Variants in ABCF3 observed in about 807,000 individuals in gnomAD.
ABCF3 encodes ATP-binding cassette sub-family F member 3.
ABCF3 carries 62 observed loss-of-function variants against 94.3 expected under a neutral mutation model. That is an observed-to-expected ratio of 0.66 (90% CI 0.54 to 0.81). The LOEUF is 0.81. Among genes scored for constraint, ABCF3 ranks in the 40% least tolerant of loss-of-function variants. The pLI is 0.00. For missense variants in ABCF3, 843 were observed against 925.3 expected, an observed-to-expected ratio of 0.91 and a Z score of 1.15; for synonymous variants, 355 against 361.1, an observed-to-expected ratio of 0.98 and a Z score of 0.19.
In ABCF3 at chr3:184,193,823, C is replaced by A; in HGVS notation, c.*125C>A. ...TGGGGACAGCCTTATTCCCAAATGTCTCTATCCTTTTGACTGGAGCATCTT... is the reference window on the plus strand; with the variant it reads ...TGGGGACAGCCTTATTCCCAAATGTATCTATCCTTTTGACTGGAGCATCTT... On this transcript the variant is annotated 3_prime_UTR_variant, in exon 21 of 21. Coordinates refer to ENST00000429586, the MANE Select transcript of ABCF3 (RefSeq NM_018358.3). This position sits in a 1 kb window ranked among gnomAD's most constrained non-coding sequence, Gnocchi z 5.2. 8.3e-7 allele frequency: 1 copy of A among 1,208,056 alleles called. No homozygotes were observed. The highest frequency in any genetic ancestry group is 1.1e-6 in the Non-Finnish European group (1 of 883,278). 74.8% of individuals were successfully genotyped at this position (1,208,056 alleles called of 1,614,324 possible).
In ABCF3 at chr3:184,193,797, T is replaced by C. The variant is rs1716185964; in HGVS notation, c.*99T>C. 5.2e-6 allele frequency: 7 copies of C among 1,357,980 alleles called. No homozygotes were observed. Among genetic ancestry groups the C allele is most frequent in the South Asian group, 4.5e-5 (3 of 66,722 alleles). 84.1% of individuals were successfully genotyped at this position (1,357,980 alleles called of 1,614,324 possible). ...CTCCAGGCCGTGGACTTCCCCCAAC[T>C]TGGGGACAGCCTTATTCCCAAATGT... On this transcript the variant is annotated 3_prime_UTR_variant, in exon 21 of 21. Transcript: ENST00000429586. The surrounding 1 kb of genome is among the most constrained non-coding windows in gnomAD (Gnocchi z 5.2).
In ABCF3 at chr3:184,189,692, C is replaced by T; in HGVS notation, c.1249C>T (p.Gln417Ter). Residue 417 changes from glutamine (Q) to a stop codon, truncating the protein, a stop_gained, in exon 13 of 21, where the codon CAG becomes TAG. Coordinates refer to ENST00000429586, the MANE Select transcript of ABCF3 (RefSeq NM_018358.3). LOFTEE classifies it high-confidence loss of function. The part of the protein sequence containing the change: ...GDFETFIKSK[Q>*]ERLLNQQREY... ...CTTTGAGACCTTCATCAAGAGTAAG[C>T]AGGAGCGGCTGCTCAACCAGCAGCG... The T allele has an allele frequency of 3.1e-6, 5 of 1,614,116 alleles. No homozygotes were observed. The highest frequency in any genetic ancestry group is 4.2e-6 in the Non-Finnish European group (5 of 1,180,024).
At chr3:184,192,006 A>G (rs762967447) in intron 16 of ABCF3, among the ~76,000 whole-genome samples, 20 of 152,024 alleles carry the variant, frequency 1.3e-4, no homozygotes, top group Non-Finnish European at 2.4e-4. Context: ...TCAGCCTCCC[A>G]AAGTGCTGGG....
chr3:184,186,763 C>G (rs767264225), intron 2 of ABCF3, 33 bp from the exon 3 acceptor site: 5 of 1,607,316 alleles, frequency 3.1e-6, no homozygotes, highest in South Asian at 1.1e-5. Context: ...CCCTCAACTC[C>G]TAACTCTGCG....
At position 184,186,642 on chromosome 3, in the gene ABCF3, A is replaced by G; in HGVS notation, c.209A>G (p.Asn70Ser). ...GIRAVCQRMY[N>S]TLRLAEPQSQ... The stretch of plus-strand genomic sequence containing the variant: ...AGGGCCGTGTGCCAGCGCATGTACA[A>G]CACTCTGCGTCTGTATGTGCCAGGG... Residue 70 changes from asparagine (N) to serine (S), a missense_variant, in exon 2 of 21, where the codon AAC becomes AGC. Asn to Ser is a conservative substitution (Grantham distance 46, BLOSUM62 1). Transcript: ENST00000429586. 6.2e-7 allele frequency: 1 copy of G among 1,610,100 alleles called. No homozygotes were observed. Among genetic ancestry groups the G allele is most frequent in the South Asian group, 1.1e-5 (1 of 90,454 alleles).
Position 184,186,784 on chromosome 3 carries a change from C to T in ABCF3, c.222-12C>T. 6.2e-7 allele frequency: 1 copy of T among 1,612,218 alleles called. No homozygotes were observed. Among genetic ancestry groups the T allele is most frequent in the Non-Finnish European group, 8.5e-7 (1 of 1,179,082 alleles). On this transcript the variant is annotated splice_polypyrimidine_tract_variant and intron_variant, in intron 2 of 20. Transcript: ENST00000429586. ...ACTCCTAACTCTGCGCTTTCTATCC[C>T]TACCCACATAGGGCTGAGCCACAAA...
rs1716196013 is a variant in ABCF3 at position 184,193,970 on chromosome 3, A to G, written c.*272A>G. The G allele has an allele frequency of 2.4e-6, 1 of 418,586 alleles. No individual in the cohort carries two copies. Among genetic ancestry groups the G allele is most frequent in the Non-Finnish European group, 4.3e-6 (1 of 234,302 alleles). 25.9% of individuals were successfully genotyped at this position (418,586 alleles called of 1,614,324 possible). A position where few individuals can be genotyped will look rare whatever the true frequency, so the allele number is the denominator to read the frequency against. ...CTGCCCCAGCTCTGACTGGACCCCA[A>G]GTGGCTGCTATGTAAATTAAATCTC... On this transcript the variant is annotated 3_prime_UTR_variant, in exon 21 of 21. Transcript: ENST00000429586. The surrounding 1 kb of genome is among the most constrained non-coding windows in gnomAD (Gnocchi z 5.2).
chr3:184,192,194 A>AGT (rs1210504319), intron 16 of ABCF3, among the ~76,000 whole-genome samples: 1 of 152,154 alleles, frequency 6.6e-6, no homozygotes, highest in African/African-American at 2.4e-5. Flanking sequence ...TGGGGTACAG[A>AGT]GTGATACTTC....
At position 184,187,660 on chromosome 3, in the gene ABCF3, T is replaced by G; in HGVS notation, c.349-4T>G. ...GAGTGAAGTCGATGTGTTTGGACCC[T>G]TAGACAGTGAATGCAAAGAAGTTAG... On this transcript the variant is annotated splice_region_variant and splice_polypyrimidine_tract_variant and intron_variant, in intron 4 of 20. Coordinates refer to ENST00000429586, the MANE Select transcript of ABCF3 (RefSeq NM_018358.3). The G allele has an allele frequency of 6.2e-7, 1 of 1,614,182 alleles. No homozygotes were observed. Among genetic ancestry groups the G allele is most frequent in the Non-Finnish European group, 8.5e-7 (1 of 1,180,024 alleles).
At chr3:184,190,904 C>A in intron 14 of ABCF3, 95 bp from the exon 15 acceptor site, 2 of 1,437,384 alleles carry the variant, frequency 1.4e-6, no homozygotes, top group Non-Finnish European at 1.9e-6. Flanking sequence ...GGTAGGAGTA[C>A]AAGCCCTTTC....
chr3:184,188,353 G>C lies in ABCF3; in HGVS notation c.782G>C (p.Arg261Pro), dbSNP rs1715784566. The C allele has an allele frequency of 6.2e-7, 1 of 1,613,766 alleles. No homozygotes were observed. The highest frequency in any genetic ancestry group is 2.2e-5 in the East Asian group (1 of 44,876). ...AGTGTGCTGGAGAGTGACAGTGTGC[G>C]AGAGGATTTGCTACGGAGGGAGCGG... ...LQSVLESDSVREDLLRREREL... is the reference protein window; with the variant it reads ...LQSVLESDSVPEDLLRREREL... Residue 261 changes from arginine to proline, a missense_variant, in exon 7 of 21, where the codon CGA becomes CCA. Physicochemically the swap from Arg to Pro is moderately radical, Grantham distance 103 (BLOSUM62 -2). Transcript: ENST00000429586.
chr3:184,192,907 G>T lies in ABCF3; in HGVS notation c.1750+11G>T. 6.2e-7 allele frequency: 1 copy of T among 1,613,588 alleles called. No homozygotes were observed. The highest frequency in any genetic ancestry group is 8.5e-7 in the Non-Finnish European group (1 of 1,179,836). On this transcript the variant is annotated intron_variant, in intron 18 of 20. Transcript: ENST00000429586. ...CACGCAAGTTTCCTGGTGAGTTAGGGATTTGAGTCGGGGGAAGAGTTTGAG... is the reference window on the plus strand; with the variant it reads ...CACGCAAGTTTCCTGGTGAGTTAGGTATTTGAGTCGGGGGAAGAGTTTGAG...
At position 184,187,843 on chromosome 3, in the gene ABCF3, C is replaced by G. The variant is rs9866379; in HGVS notation, c.447-18C>G. The G allele has an allele frequency of 2.6e-3, 4,249 of 1,614,058 alleles. 94 individuals are homozygous for G. In the African/African-American group the frequency reaches 0.049, roughly 18 times the overall value. On this transcript the variant is annotated intron_variant, in intron 5 of 20. Coordinates refer to ENST00000429586, the MANE Select transcript of ABCF3 (RefSeq NM_018358.3). Reference sequence around the variant, plus strand: ...GGTGGTGGGGAGCACTAAGAGCTGTCCATTTCTCCCTTTAAAGAGTCTTAG... The same window carrying G: ...GGTGGTGGGGAGCACTAAGAGCTGTGCATTTCTCCCTTTAAAGAGTCTTAG...
In ABCF3 at chr3:184,188,995, G is replaced by A. The variant is rs1417072527; in HGVS notation, c.977+7G>A. 1 of 1,614,248 alleles carries A rather than the reference G, an allele frequency of 6.2e-7. No homozygotes were observed. Among genetic ancestry groups the A allele is most frequent in the East Asian group, 2.2e-5 (1 of 44,886 alleles). On this transcript the variant is annotated splice_region_variant and intron_variant, in intron 9 of 20. Transcript: ENST00000429586. ...TGCAGCAGCAGCCCACCCGGTGAGT[G>A]ACCCTTGCCATTCTTGGCTTTGAAC...
In ABCF3 at chr3:184,192,603, T is replaced by A; in HGVS notation, c.1572T>A (p.Val524=). 6.2e-7 allele frequency: 1 copy of A among 1,608,836 alleles called. No individual in the cohort carries two copies. The highest frequency in any genetic ancestry group is 8.5e-7 in the Non-Finnish European group (1 of 1,178,826). Residue 524 remains valine (V), a splice_region_variant and synonymous_variant, in exon 17 of 21, where the codon GTT becomes GTA. Coordinates refer to ENST00000429586, the MANE Select transcript of ABCF3 (RefSeq NM_018358.3). ...SADLESRICV[V]GENGAGKSTM... The stretch of plus-strand genomic sequence containing the variant: ...ATGACATTTTCATGTTTCTTAAGGT[T>A]GGAGAGAATGGGGCTGGGAAGTCTA...
At position 184,189,835 on chromosome 3, in the gene ABCF3, C is replaced by T. The variant is rs987847471; in HGVS notation, c.1315-20C>T. 1 of 1,614,168 alleles carries T rather than the reference C, an allele frequency of 6.2e-7. No homozygotes were observed. Among genetic ancestry groups the T allele is most frequent in the Admixed American group, 1.7e-5 (1 of 60,024 alleles). On this transcript the variant is annotated intron_variant, in intron 13 of 20. Coordinates refer to ENST00000429586, the MANE Select transcript of ABCF3 (RefSeq NM_018358.3). ...GATAGTGGGGGAATTTGACCAATGC[C>T]TACACTCCTCCACCTGCAGGTTTTC... is the stretch of plus-strand genomic sequence containing the variant.
rs1560137259 is a variant in ABCF3, at chr3:184,192,803, A to G, written c.1659-2A>G. The G allele has an allele frequency of 6.2e-7, 1 of 1,613,990 alleles. No individual in the cohort carries two copies. The highest frequency in any genetic ancestry group is 8.5e-7 in the Non-Finnish European group (1 of 1,179,856). ...TTTTTCCACCTCGGCTTCTGCCTGC[A>G]GGAATCTGAAGATTGGCTATTTCAG... On this transcript the variant is annotated splice_acceptor_variant, in intron 17 of 20. Coordinates refer to ENST00000429586, the MANE Select transcript of ABCF3 (RefSeq NM_018358.3). LOFTEE classifies it high-confidence loss of function.
intron 14 of ABCF3, 79 bp downstream of exon 14, chr3:184,190,010 A>G: frequency 6.7e-6 from 10 of 1,487,970 alleles, no homozygotes; most frequent in Non-Finnish European, 9.3e-6. Flanking sequence ...CCCTTGCCCT[A>G]CCATTCTAGG....
At chr3:184,186,352 G>C in intron 1 of ABCF3, 72 bp downstream of exon 1, 1 of 1,605,154 alleles carries the variant, frequency 6.2e-7, no homozygotes, top group Non-Finnish European at 8.5e-7. Flanking sequence ...CGAGCGTCGT[G>C]CCCGGGACTG....
Sources: allele counts gnomAD v4.1 joint callset (sites outside exome capture counted in the v4.1 genomes callset), GRCh38; gene constraint gnomAD v4.1.1; non-coding constraint Gnocchi (gnomAD v3.1); transcripts MANE v1.5; gene names NCBI Gene and HGNC (gene_info 2026-07-23, HGNC 2026-07-21).